Variants in DSCAML1 observed in about 807,000 individuals in gnomAD.
DSCAML1 encodes the protein cell adhesion molecule DSCAML1.
Under a neutral mutation model 200.5 loss-of-function variants are expected in DSCAML1, and 38 were observed. The ratio of observed to expected loss-of-function variants is 0.19; its 90% CI spans 0.15 to 0.25. The LOEUF is 0.25. Among genes scored for constraint, DSCAML1 ranks in the 10% least tolerant of loss-of-function variants. The pLI is 1.00. For missense variants in DSCAML1, 2,223 were observed against 2,858.8 expected, an observed-to-expected ratio of 0.78 and a Z score of 5.07; for synonymous variants, 1,215 against 1,165.0, an observed-to-expected ratio of 1.04 and a Z score of -0.87.
At chr11:117,666,050 C>A (rs76049603) in intron 3 of DSCAML1, among the ~76,000 whole-genome samples, 2 of 152,172 alleles carry the variant, frequency 1.3e-5, no homozygotes, top group Non-Finnish European at 2.9e-5. Flanking sequence ...TCCATCACTG[C>A]GGTCAGAGCT....
At chr11:117,506,153 C>A (rs1477170226) in intron 8 of DSCAML1, among the ~76,000 whole-genome samples, 1 of 152,166 alleles carries the variant, frequency 6.6e-6, no homozygotes, top group African/African-American at 2.4e-5. Flanking sequence ...AGAGGGGAAG[C>A]GTGGTGCTGG....
intron 18 of DSCAML1, among the ~76,000 whole-genome samples, chr11:117,460,437 G>T (rs1214624514): frequency 2.0e-5 from 3 of 152,152 alleles, no homozygotes; most frequent in Non-Finnish European, 2.9e-5. Context: ...AGGTCCTCCA[G>T]GAAAGAAGAG....
At chr11:117,700,760 G>A (rs12099002) in intron 3 of DSCAML1, among the ~76,000 whole-genome samples, 35,018 of 152,126 alleles carry the variant, frequency 0.23, 5,149 homozygotes, top group African/African-American at 0.42. Flanking sequence ...CAGTGCCAGG[G>A]GTAGAAGCTG....
In DSCAML1 at chr11:117,740,737, G is replaced by A. The variant is rs1024083591; in HGVS notation, c.511+36054C>T. Among the ~76,000 whole-genome samples, 10 of 152,340 alleles carry A rather than the reference G, an allele frequency of 6.6e-5. No individual in the cohort carries two copies. The South Asian group carries it at 2.1e-3, about 32-fold the overall frequency. On this transcript the variant is annotated intron_variant, in intron 3 of 32. Coordinates refer to ENST00000651296, the MANE Select transcript of DSCAML1 (RefSeq NM_020693.4). The stretch of plus-strand genomic sequence containing the variant: ...TTAGCAAGGGGCAAGCCCCAGCCAT[G>A]GCCATCCTAACTCCAAGGTTACATA...
At chr11:117,431,131 A>G (rs73018313) in intron 31 of DSCAML1, 98 bp from the exon 32 acceptor site, 38,384 of 1,249,550 alleles carry the variant, frequency 0.031, 732 homozygotes, top group South Asian at 0.061. Flanking sequence ...AGCCATCTGT[A>G]AGTCTGGCCA....
At chr11:117,601,745 A>C (rs2051470142) in intron 3 of DSCAML1, among the ~76,000 whole-genome samples, 1 of 152,242 alleles carries the variant, frequency 6.6e-6, no homozygotes, top group South Asian at 2.1e-4. Context: ...CCTTGAACAC[A>C]TGGGACCTGG....
intron 3 of DSCAML1, among the ~76,000 whole-genome samples, chr11:117,688,645 C>CTG (rs1295068955): frequency 6.6e-6 from 1 of 152,194 alleles, no homozygotes; most frequent in Non-Finnish European, 1.5e-5. Context: ...CCCAGCCTCT[C>CTG]TGTGCCTTGT....
intron 11 of DSCAML1, among the ~76,000 whole-genome samples, chr11:117,483,216 T>C (rs2048966736): frequency 6.6e-6 from 1 of 152,106 alleles, no homozygotes; most frequent in Non-Finnish European, 1.5e-5. Flanking sequence ...TGAACACACA[T>C]GGGGCACTTA....
intron 3 of DSCAML1, among the ~76,000 whole-genome samples, chr11:117,748,050 C>A (rs1285418182): frequency 6.6e-6 from 1 of 152,200 alleles, no homozygotes; most frequent in Non-Finnish European, 1.5e-5. Flanking sequence ...AAACACAGAC[C>A]TGCTCTGCTA....
At chr11:117,605,241 C>T (rs2051541774) in intron 3 of DSCAML1, among the ~76,000 whole-genome samples, 1 of 152,122 alleles carries the variant, frequency 6.6e-6, no homozygotes. Context: ...ATTCTCCCCA[C>T]TACCCCCACC....
intron 3 of DSCAML1, among the ~76,000 whole-genome samples, chr11:117,703,728 G>T (rs558007730): frequency 5.3e-4 from 80 of 152,348 alleles, no homozygotes; most frequent in African/African-American, 1.9e-3. Context: ...TACCCCACAA[G>T]ACTGTGGGTG....
upstream of DSCAML1, among the ~76,000 whole-genome samples, chr11:117,798,236 G>A (rs1429423197): frequency 2.6e-5 from 4 of 152,250 alleles, no homozygotes; most frequent in Admixed American, 2.6e-4. Context: ...TGACAATTGG[G>A]CTGTACCTGG....
At chr11:117,466,429 G>A (rs1390681959) in intron 16 of DSCAML1, among the ~76,000 whole-genome samples, 8 of 152,184 alleles carry the variant, frequency 5.3e-5, no homozygotes, top group Non-Finnish European at 7.4e-5. Flanking sequence ...GGCCAGGTGC[G>A]GTGGCTCATG....
intron 3 of DSCAML1, among the ~76,000 whole-genome samples, chr11:117,552,187 C>T (rs2050479963): frequency 6.6e-6 from 1 of 152,098 alleles, no homozygotes; most frequent in African/African-American, 2.4e-5. Context: ...TACGTCCCTA[C>T]TGGGCTGTGG....
At chr11:117,446,667 C>G (rs1054637376) in intron 20 of DSCAML1, among the ~76,000 whole-genome samples, 3 of 152,098 alleles carry the variant, frequency 2.0e-5, no homozygotes, top group African/African-American at 7.2e-5. Flanking sequence ...TAAAGCAGAA[C>G]AAATCAGAAA....
In DSCAML1 at chr11:117,572,904, C is replaced by T. The variant is rs201317179; in HGVS notation, c.512-40382G>A. On this transcript the variant is annotated intron_variant, in intron 3 of 32. Coordinates refer to ENST00000651296, the MANE Select transcript of DSCAML1 (RefSeq NM_020693.4). The stretch of plus-strand genomic sequence containing the variant: ...AATGTGGGGTCAATCAGGCATCGCC[C>T]GGGGGCAGAGGGAGAGGAGAAGTGA... Among the ~76,000 whole-genome samples, 229 of 152,276 alleles carry T rather than the reference C, an allele frequency of 1.5e-3. 4 individuals carry two copies. The highest frequency in any genetic ancestry group is 5.6e-3 in the East Asian group (29 of 5,176).
In DSCAML1 at chr11:117,431,669, G is replaced by A; in HGVS notation, c.5239C>T (p.Gln1747Ter). The A allele has an allele frequency of 6.2e-7, 1 of 1,612,232 alleles. No homozygotes were observed. Among genetic ancestry groups the A allele is most frequent in the Non-Finnish European group, 8.5e-7 (1 of 1,178,778 alleles). Reference sequence around the variant, plus strand: ...GCCTGGCACTTGGTCAGGGTCCACTGGCTTGAGTACCGGTTCCGGGTGCTG... The same window carrying A: ...GCCTGGCACTTGGTCAGGGTCCACTAGCTTGAGTACCGGTTCCGGGTGCTG... ...AHSTRNRYSS[Q>*]WTLTKCQAST... The change falls in exon 31 of 33, where the codon CAG becomes TAG. Residue 1747 changes from glutamine to a stop codon, truncating the protein, a stop_gained. Coordinates refer to ENST00000651296, the MANE Select transcript of DSCAML1 (RefSeq NM_020693.4). LOFTEE classifies it high-confidence loss of function.
chr11:117,800,444 T>C (rs2055647146), upstream of DSCAML1, among the ~76,000 whole-genome samples: 1 of 152,246 alleles, frequency 6.6e-6, no homozygotes, highest in African/African-American at 2.4e-5. Context: ...ACAAACACAG[T>C]TGCCCAGGCA....
intron 3 of DSCAML1, among the ~76,000 whole-genome samples, chr11:117,539,813 T>C (rs1403249696): frequency 6.6e-6 from 1 of 152,090 alleles, no homozygotes; most frequent in Non-Finnish European, 1.5e-5. Flanking sequence ...GAGAGAGATA[T>C]TTGCACACCC....
Sources: allele counts gnomAD v4.1 joint callset (sites outside exome capture counted in the v4.1 genomes callset), GRCh38; gene constraint gnomAD v4.1.1; transcripts MANE v1.5; gene names NCBI Gene and HGNC (gene_info 2026-07-23, HGNC 2026-07-21).